The following AMZ1 variants were observed in gnomAD, a reference collection of about 807,000 sequenced individuals.
AMZ1 encodes archaemetzincin-1.
In AMZ1, 39 loss-of-function variants were observed where a neutral mutation model predicts 29.9. The observed-to-expected ratio is 1.30, with a 90% confidence interval of 1.01 to 1.70. AMZ1 has a LOEUF of 1.70. Among genes scored for constraint, AMZ1 ranks in the 40% most tolerant of loss-of-function variants. The pLI is 0.00. For synonymous variants in AMZ1, 458 were observed against 304.0 expected, an observed-to-expected ratio of 1.51 and a Z score of -5.27; for missense variants, 1,041 against 680.6, an observed-to-expected ratio of 1.53 and a Z score of -5.89.
At chr7:2,696,510 G>A (rs1311578906) in intron 1 of AMZ1, among the ~76,000 whole-genome samples, 1 of 151,162 alleles carries the variant, frequency 6.6e-6, no homozygotes, top group Non-Finnish European at 1.5e-5. Context: ...GCCCGCCTGG[G>A]CCTCCCAAAG....
At position 2,715,750 on chromosome 7, in the gene AMZ1, C is replaced by T. The variant is rs1304270157; in HGVS notation, c.*2872C>T. 1 of 152,216 alleles carries T rather than the reference C, an allele frequency of 6.6e-6. No individual in the cohort carries two copies. Among genetic ancestry groups the T allele is most frequent in the African/African-American group, 2.4e-5 (1 of 41,434 alleles). The allele number at this position is 152,216 out of a possible 1,614,324, so 9.4% of individuals were successfully genotyped here. On this transcript the variant is annotated 3_prime_UTR_variant, in exon 7 of 7. Transcript: ENST00000683327. ...CTGTCTGTGCTGTGGTGAAGAGTGACTTGGGACAGTCACCAGGAAAGACGC... is the reference window on the plus strand; with the variant it reads ...CTGTCTGTGCTGTGGTGAAGAGTGATTTGGGACAGTCACCAGGAAAGACGC...
intron 3 of AMZ1, among the ~76,000 whole-genome samples, chr7:2,704,711 G>A (rs7807904): frequency 1.3e-5 from 2 of 150,854 alleles, no homozygotes; most frequent in Non-Finnish European, 2.9e-5. Flanking sequence ...ATTCTCCTGC[G>A]TCAGCCTCCC....
chr7:2,757,396 C>T (rs867573150), intron 4 of AMZ1, among the ~76,000 whole-genome samples: 12 of 151,990 alleles, frequency 7.9e-5, no homozygotes, highest in Admixed American at 2.0e-4. Context: ...AGCACACAGC[C>T]GTGTTATGAG....
rs201231355 is a variant in AMZ1, at chr7:2,733,434, C to T, written n.550+23618C>T. The T allele has an allele frequency of 1.6e-3, 2,613 of 1,610,716 alleles. 10 individuals carry two copies. Among genetic ancestry groups the T allele is most frequent in the Non-Finnish European group, 1.5e-3 (1,733 of 1,177,460 alleles). ...AACCCTGGAGCCCAGCTTCTTCGGG[C>T]GGGCGTGCTTACTCACCAGCTGGCC... On this transcript the variant is annotated intron_variant and non_coding_transcript_variant, in intron 4 of 4. Coordinates refer to the AMZ1 transcript ENST00000489665.
rs544282792 is a variant in AMZ1, at chr7:2,695,552, CA to C, written c.-218-4671del. On this transcript the variant is annotated intron_variant, in intron 1 of 6. Transcript: ENST00000683327. ...GGCAACATAGTGAGACTCTTCTCTACAAAAAAAAAAATTGACTGGGCGTGTT... is the reference window on the plus strand; with the variant it reads ...GGCAACATAGTGAGACTCTTCTCTACAAAAAAAAAATTGACTGGGCGTGTT... 2.4e-4 allele frequency among the ~76,000 whole-genome samples: 25 copies of C among 104,834 alleles called. 1 individual carries two copies. Among genetic ancestry groups the C allele is most frequent in the South Asian group, 3.6e-4 (1 of 2,740 alleles). The allele number at this position is 104,834 out of a possible 152,430, so 68.8% of individuals were successfully genotyped here.
At chr7:2,746,307 A>C (rs1471286449) in intron 4 of AMZ1, among the ~76,000 whole-genome samples, 2 of 152,228 alleles carry the variant, frequency 1.3e-5, no homozygotes, top group Non-Finnish European at 2.9e-5. Flanking sequence ...AAAGAACAGA[A>C]ATTATAACAA....
At chr7:2,736,332 A>G (rs1326136529) in intron 4 of AMZ1, among the ~76,000 whole-genome samples, 1 of 152,176 alleles carries the variant, frequency 6.6e-6, no homozygotes, top group Non-Finnish European at 1.5e-5. Flanking sequence ...CTTGGTGTGA[A>G]AAACCTACAC....
downstream of AMZ1, among the ~76,000 whole-genome samples, chr7:2,722,447 T>A (rs751055832): frequency 1.1e-4 from 16 of 152,070 alleles, no homozygotes; most frequent in Non-Finnish European, 5.9e-5. Flanking sequence ...TAATTTTTTA[T>A]ATTTCAGCAG....
intron 1 of AMZ1, among the ~76,000 whole-genome samples, chr7:2,695,339 C>T (rs1176831395): frequency 6.6e-6 from 1 of 152,142 alleles, no homozygotes; most frequent in African/African-American, 2.4e-5. Context: ...GGTCTGGGCA[C>T]AGGCTCGGTC....
chr7:2,709,866 G>A (rs1268400464), intron 6 of AMZ1, 50 bp downstream of exon 6: 1 of 1,592,184 alleles, frequency 6.3e-7, no homozygotes, highest in Non-Finnish European at 8.5e-7. Context: ...CGCTCCGGAG[G>A]CCCGCGAGCG....
At chr7:2,699,175 G>C (rs542857938) in intron 1 of AMZ1, among the ~76,000 whole-genome samples, 2 of 152,054 alleles carry the variant, frequency 1.3e-5, no homozygotes, top group Admixed American at 6.6e-5. Context: ...CTCTCCATCC[G>C]CCCTGGCAGG....
intron 4 of AMZ1, 108 bp from the exon 5 acceptor site, chr7:2,708,967 T>G (rs1021332193): frequency 1.4e-6 from 2 of 1,382,040 alleles, no homozygotes; most frequent in South Asian, 2.9e-5. Flanking sequence ...GACTGGTATG[T>G]CTTTGGGCCA....
chr7:2,738,467 AC>A (rs1790327339), intron 4 of AMZ1, among the ~76,000 whole-genome samples: 1 of 152,160 alleles, frequency 6.6e-6, no homozygotes, highest in Non-Finnish European at 1.5e-5. Flanking sequence ...GGTTTCCGAT[AC>A]CCACTGCCAA....
At chr7:2,689,010 G>A (rs1422101132) in intron 1 of AMZ1, among the ~76,000 whole-genome samples, 2 of 152,234 alleles carry the variant, frequency 1.3e-5, no homozygotes, top group African/African-American at 2.4e-5. Context: ...GAGAGAACAG[G>A]AAGCCAAGAG....
chr7:2,696,465 G>C (rs868167789), intron 1 of AMZ1, among the ~76,000 whole-genome samples: 8 of 149,722 alleles, frequency 5.3e-5, no homozygotes, highest in South Asian at 2.2e-4. Flanking sequence ...CACCATGTTA[G>C]CCAGGATGGT....
upstream of AMZ1, chr7:2,763,308 C>T (rs934943038): frequency 2.7e-5 from 5 of 184,282 alleles, no homozygotes; most frequent in African/African-American, 1.2e-4. Flanking sequence ...AGACACAGCC[C>T]GGCTTGCTGA....
intron 4 of AMZ1, among the ~76,000 whole-genome samples, chr7:2,753,706 G>A (rs988687266): frequency 6.6e-6 from 1 of 152,146 alleles, no homozygotes; most frequent in Non-Finnish European, 1.5e-5. Context: ...ATGCCCAGGA[G>A]TGTGACTGCC....
chr7:2,699,538 C>CA (rs1308118135), intron 1 of AMZ1, among the ~76,000 whole-genome samples: 1 of 152,042 alleles, frequency 6.6e-6, no homozygotes, highest in Non-Finnish European at 1.5e-5. Flanking sequence ...CCCGCCCCCC[C>CA]CCAAACATAT....
intron 3 of AMZ1, among the ~76,000 whole-genome samples, chr7:2,705,983 CA>C (rs1401561964): frequency 6.6e-6 from 1 of 152,234 alleles, no homozygotes; most frequent in Non-Finnish European, 1.5e-5. Flanking sequence ...GAGACAGCAC[CA>C]AGTCCCACAA....
Sources: allele counts gnomAD v4.1 joint callset (sites outside exome capture counted in the v4.1 genomes callset), GRCh38; gene constraint gnomAD v4.1.1; transcripts MANE v1.5; gene names NCBI Gene and HGNC (gene_info 2026-07-23, HGNC 2026-07-21).